CAMK2D: variants seen among roughly 807,000 people sequenced by gnomAD.
CAMK2D encodes the protein calcium/calmodulin-dependent protein kinase type II subunit delta.
In CAMK2D, 37 loss-of-function variants were observed where a neutral mutation model predicts 84.0. That is an observed-to-expected ratio of 0.44 (90% CI 0.34 to 0.58). The LOEUF is 0.58. Among genes scored for constraint, CAMK2D ranks in the 20% least tolerant of loss-of-function variants. CAMK2D has a pLI of 0.02. For synonymous variants in CAMK2D, 202 were observed against 212.5 expected (o/e 0.95, Z 0.43); for missense variants, 448 against 652.5 (o/e 0.69, Z 3.41).
rs956326705 is a variant in CAMK2D at position 113,459,102 on chromosome 4, C to A, written c.1306+1045G>T. 2.0e-5 allele frequency among the ~76,000 whole-genome samples: 3 copies of A among 152,202 alleles called. No individual in the cohort carries two copies. In the East Asian group the frequency reaches 5.8e-4, roughly 29 times the overall value. On this transcript the variant is annotated intron_variant, in intron 18 of 20. Coordinates refer to ENST00000511664, the MANE Select transcript of CAMK2D (RefSeq NM_001321571.2). ...ATTGAAAGATTTATCTGATTACTCA[C>A]CTTCATTTTCATTTTACTTTGAAAA...
At chr4:113,513,211 C>T in intron 12 of CAMK2D, 117 bp downstream of exon 12, 17 of 1,539,314 alleles carry the variant, frequency 1.1e-5, no homozygotes, top group Non-Finnish European at 1.3e-5. Context: ...ACATTTGCCA[C>T]CCCTGAACAA....
At position 113,761,121 on chromosome 4, in the gene CAMK2D, G is replaced by T; in HGVS notation, c.-53C>A. On this transcript the variant is annotated 5_prime_UTR_variant, in exon 1 of 21. In the 5' UTR this introduces an upstream ATG that the reference lacks. Coordinates refer to ENST00000511664, the MANE Select transcript of CAMK2D (RefSeq NM_001321571.2). ...GAGCGCGACGGACCAGAAGCGAGCA[G>T]ACGCGCGGCTAACCCCGGGACTGGC... 1 of 1,611,838 alleles carries T rather than the reference G, an allele frequency of 6.2e-7. No individual in the cohort carries two copies.
chr4:113,482,199 TGTCAATA>T (rs1564528421), intron 16 of CAMK2D, among the ~76,000 whole-genome samples: 2 of 152,196 alleles, frequency 1.3e-5, no homozygotes, highest in African/African-American at 4.8e-5. Context: ...TAAGAAGCTA[TGTCAATA>T]ATATCAGCAA....
chr4:113,538,296 A>C (rs989847632), intron 6 of CAMK2D, among the ~76,000 whole-genome samples: 1 of 152,208 alleles, frequency 6.6e-6, no homozygotes, highest in Non-Finnish European at 1.5e-5. Context: ...GCATCAAGAC[A>C]CATCAGTACT....
At chr4:113,686,370 G>C (rs1005531418) in intron 2 of CAMK2D, among the ~76,000 whole-genome samples, 2 of 152,060 alleles carry the variant, frequency 1.3e-5, no homozygotes, top group African/African-American at 4.8e-5. Context: ...ATCTGAAAAG[G>C]TACAGGGACA....
chr4:113,664,058 C>T lies in CAMK2D; in HGVS notation c.161-2286G>A, dbSNP rs193229237. On this transcript the variant is annotated intron_variant, in intron 2 of 20. Coordinates refer to ENST00000511664, the MANE Select transcript of CAMK2D (RefSeq NM_001321571.2). ...ACTGACACACACAGAAGGAAGATCA[C>T]GTGAAGAGACGAGGATAAGACAGGC... 6.3e-4 allele frequency among the ~76,000 whole-genome samples: 96 copies of T among 152,166 alleles called. 1 individual carries two copies. The East Asian group carries it at 0.015, about 24-fold the overall frequency.
chr4:113,547,729 A>G lies in CAMK2D; in HGVS notation c.342-13T>C, dbSNP rs750712660. 6.5e-7 allele frequency: 1 copy of G among 1,530,100 alleles called. No homozygotes were observed. Among genetic ancestry groups the G allele is most frequent in the South Asian group, 1.2e-5 (1 of 83,530 alleles). The allele number at this position is 1,530,100 out of a possible 1,614,324, so 94.8% of individuals were successfully genotyped here. ...CTGAATGCAATGACTGCATGCAAAC[A>G]CCAGGGGGCGTGTGTTAGTTCCAAG... On this transcript the variant is annotated splice_polypyrimidine_tract_variant and intron_variant, in intron 5 of 20. Coordinates refer to ENST00000511664, the MANE Select transcript of CAMK2D (RefSeq NM_001321571.2).
At chr4:113,510,768 C>T (rs1011957405) in intron 12 of CAMK2D, among the ~76,000 whole-genome samples, 1 of 152,052 alleles carries the variant, frequency 6.6e-6, no homozygotes, top group African/African-American at 2.4e-5. Flanking sequence ...AATTTCCTGA[C>T]ATTCATTGAT....
intron 2 of CAMK2D, among the ~76,000 whole-genome samples, chr4:113,700,931 C>T (rs73842204): frequency 0.015 from 2,215 of 152,240 alleles, 55 homozygotes; most frequent in African/African-American, 0.051. Context: ...CATCACAGTC[C>T]ATCATCAGAG....
At chr4:113,547,846 T>C (rs2098594783) in intron 5 of CAMK2D, 130 bp from the exon 6 acceptor site, 2 of 492,238 alleles carry the variant, frequency 4.1e-6, no homozygotes, top group Admixed American at 3.7e-5. Context: ...CCTTCAGTCA[T>C]GTAAACATAT....
intron 17 of CAMK2D, among the ~76,000 whole-genome samples, chr4:113,461,452 G>A (rs554354550): frequency 1.2e-4 from 19 of 152,298 alleles, no homozygotes; most frequent in African/African-American, 4.6e-4. Flanking sequence ...GGTGGGCAGG[G>A]GGAGGACAGC....
intron 16 of CAMK2D, among the ~76,000 whole-genome samples, chr4:113,478,045 C>T (rs1453507982): frequency 6.6e-6 from 1 of 151,938 alleles, no homozygotes; most frequent in Admixed American, 6.6e-5. Context: ...TAATATTCCA[C>T]ACTTAGGAAA....
intron 2 of CAMK2D, chr4:113,753,894 A>T: frequency 1.0e-6 from 1 of 984,740 alleles, no homozygotes; most frequent in South Asian, 4.7e-5. Flanking sequence ...CCTGGGCAGA[A>T]ATAATCTTGT....
At chr4:113,660,054 T>A (rs904665181) in intron 3 of CAMK2D, among the ~76,000 whole-genome samples, 5 of 152,202 alleles carry the variant, frequency 3.3e-5, no homozygotes, top group African/African-American at 1.2e-4. Context: ...TGAATGCCCC[T>A]ACACATAAAA....
chr4:113,465,889 T>G (rs552914035), intron 16 of CAMK2D, among the ~76,000 whole-genome samples: 1 of 152,252 alleles, frequency 6.6e-6, no homozygotes, highest in Non-Finnish European at 1.5e-5. Flanking sequence ...TGGAAAGCAC[T>G]GCTATTTTCC....
chr4:113,529,694 G>A (rs1045813008), intron 8 of CAMK2D, among the ~76,000 whole-genome samples: 1 of 152,092 alleles, frequency 6.6e-6, no homozygotes, highest in African/African-American at 2.4e-5. Context: ...GCCTGCATAG[G>A]ATACTGTTTT....
At chr4:113,574,297 A>G (rs2098769684) in intron 4 of CAMK2D, among the ~76,000 whole-genome samples, 1 of 152,174 alleles carries the variant, frequency 6.6e-6, no homozygotes, top group Non-Finnish European at 1.5e-5. Flanking sequence ...TTCTACAAAT[A>G]TATTCTTCAC....
chr4:113,646,530 GATGAGCA>G (rs1216247976), intron 3 of CAMK2D, among the ~76,000 whole-genome samples: 4 of 152,184 alleles, frequency 2.6e-5, no homozygotes, highest in African/African-American at 9.7e-5. Context: ...CTCCACTTTG[GATGAGCA>G]AAGGCCTGCA....
chr4:113,652,223 T>C (rs993595064), intron 3 of CAMK2D, among the ~76,000 whole-genome samples: 1 of 152,190 alleles, frequency 6.6e-6, no homozygotes, highest in Admixed American at 6.6e-5. Context: ...CTTTAGGCTT[T>C]AGATTCCTTG....
Sources: gnomAD v4.1 joint callset for allele counts (sites outside exome capture counted in the v4.1 genomes callset) on GRCh38, gnomAD v4.1.1 for gene constraint, MANE v1.5 for transcripts, NCBI Gene and HGNC (gene_info 2026-07-23, HGNC 2026-07-21) for gene names.